Variants in TMPRSS11A observed in about 807,000 individuals in gnomAD.
TMPRSS11A encodes transmembrane protease serine 11A.
TMPRSS11A carries 53 observed loss-of-function variants against 58.9 expected under a neutral mutation model. The ratio of observed to expected loss-of-function variants is 0.90; its 90% CI spans 0.72 to 1.13. The LOEUF is 1.13. TMPRSS11A is among the 50% of genes most tolerant of loss of function. The probability of loss-of-function intolerance (pLI) is 0.00; values close to 1 mark genes in which losing one functional copy is unlikely to be tolerated. For synonymous variants in TMPRSS11A, 167 were observed against 169.8 expected (o/e 0.98, Z 0.13); for missense variants, 493 against 499.3 (o/e 0.99, Z 0.12).
intron 8 of TMPRSS11A, among the ~76,000 whole-genome samples, chr4:67,918,636 C>T (rs1199859266): frequency 6.6e-6 from 1 of 152,100 alleles, no homozygotes; most frequent in Non-Finnish European, 1.5e-5. Context: ...GCTAGCATCC[C>T]TCTGAATGAA....
Position 67,959,865 on chromosome 4 carries a change from C to T in TMPRSS11A, c.11+3518G>A, listed in dbSNP as rs947621290. 3.3e-5 allele frequency among the ~76,000 whole-genome samples: 5 copies of T among 152,284 alleles called. No homozygotes were observed. The South Asian group carries it at 1.0e-3, about 32-fold the overall frequency. On this transcript the variant is annotated intron_variant, in intron 1 of 9. Coordinates refer to ENST00000508048, the MANE Select transcript of TMPRSS11A (RefSeq NM_001114387.2). ...AATCATTATACCAAAAAGATACATGCACTCATGTTTATTGCTGTGCTATTC... is the reference window on the plus strand; with the variant it reads ...AATCATTATACCAAAAAGATACATGTACTCATGTTTATTGCTGTGCTATTC...
chr4:67,959,480 A>G (rs1451675611), intron 1 of TMPRSS11A, among the ~76,000 whole-genome samples: 6 of 152,256 alleles, frequency 3.9e-5, no homozygotes, highest in Non-Finnish European at 1.5e-5. Context: ...CCTAGAATGC[A>G]TGAAAAACTT....
intron 3 of TMPRSS11A, among the ~76,000 whole-genome samples, chr4:67,937,257 A>C (rs1720775908): frequency 6.6e-6 from 1 of 152,158 alleles, no homozygotes; most frequent in Non-Finnish European, 1.5e-5. Context: ...GATTGTTCAC[A>C]CTAGATGTAC....
At chr4:67,924,318 A>T (rs552432223) in intron 5 of TMPRSS11A, 152 bp from the exon 6 acceptor site, 1 of 705,802 alleles carries the variant, frequency 1.4e-6, no homozygotes, top group South Asian at 1.6e-5. Context: ...ATATAACAAC[A>T]TCTGTGTACA....
intron 1 of TMPRSS11A, among the ~76,000 whole-genome samples, chr4:67,955,565 T>C (rs1721267450): frequency 6.6e-6 from 1 of 152,210 alleles, no homozygotes; most frequent in South Asian, 2.1e-4. Context: ...ACTACTTCTA[T>C]GAATTTACCA....
At chr4:67,954,652 G>A (rs1324805379) in intron 1 of TMPRSS11A, among the ~76,000 whole-genome samples, 1 of 152,198 alleles carries the variant, frequency 6.6e-6, no homozygotes, top group African/African-American at 2.4e-5. Context: ...ATTAATGATA[G>A]AGCATAGTCA....
intron 3 of TMPRSS11A, among the ~76,000 whole-genome samples, chr4:67,940,365 C>CTT (rs200509521): frequency 6.7e-6 from 1 of 150,116 alleles, no homozygotes; most frequent in Non-Finnish European, 1.5e-5. Flanking sequence ...TAGTTTGGGC[C>CTT]TTTTTTTTTC....
At chr4:67,922,638 A>G (rs1245892980) in intron 7 of TMPRSS11A, 117 bp downstream of exon 7, 9 of 1,011,946 alleles carry the variant, frequency 8.9e-6, no homozygotes, top group African/African-American at 1.6e-5. Flanking sequence ...AAGAACCTGA[A>G]ATAACTTTTT....
Position 67,963,395 on chromosome 4 carries a change from T to A in TMPRSS11A, c.-2A>T, listed in dbSNP as rs757322768. Reference sequence around the variant, plus strand: ...GAACTGAACTTACCGATACATCATGTACAGGAGGAAGAATATGATCTTGCA... The same window carrying A: ...GAACTGAACTTACCGATACATCATGAACAGGAGGAAGAATATGATCTTGCA... On this transcript the variant is annotated 5_prime_UTR_variant, in exon 1 of 10. Coordinates refer to ENST00000508048, the MANE Select transcript of TMPRSS11A (RefSeq NM_001114387.2). 57 of 1,613,552 alleles carry A rather than the reference T, an allele frequency of 3.5e-5. No homozygotes were observed. The highest frequency in any genetic ancestry group is 4.7e-5 in the Non-Finnish European group (56 of 1,179,838).
At chr4:67,919,913 T>C (rs149456999) in intron 7 of TMPRSS11A, among the ~76,000 whole-genome samples, 14 of 152,256 alleles carry the variant, frequency 9.2e-5, no homozygotes, top group Non-Finnish European at 1.9e-4. Context: ...GTTTTATAGG[T>C]CATGATAAAG....
In TMPRSS11A at chr4:67,924,911, T is replaced by A. The variant is rs185898235; in HGVS notation, c.482-745A>T. Among the ~76,000 whole-genome samples, 28 of 151,318 alleles carry A rather than the reference T, an allele frequency of 1.9e-4. No homozygotes were observed. In the East Asian group the frequency reaches 3.9e-3, roughly 21 times the overall value. On this transcript the variant is annotated intron_variant, in intron 5 of 9. Transcript: ENST00000508048. ...GTAGACTGTCTTACAGGTCTCAAACTCAGCCTCAGCCAGAACAGATCTGCT... is the reference window on the plus strand; with the variant it reads ...GTAGACTGTCTTACAGGTCTCAAACACAGCCTCAGCCAGAACAGATCTGCT...
In TMPRSS11A at chr4:67,930,056, G is replaced by T. The variant is rs1161489574; in HGVS notation, c.321-16C>A. 7 of 1,595,998 alleles carry T rather than the reference G, an allele frequency of 4.4e-6. No homozygotes were observed. In the Admixed American group the frequency reaches 1.0e-4, roughly 23 times the overall value. ...TTCCTCTGGACTGTGACACACAAAA[G>T]AAAGGTACATTTTCAAAGAATACAC... On this transcript the variant is annotated splice_polypyrimidine_tract_variant and intron_variant, in intron 4 of 9. Transcript: ENST00000508048.
Position 67,911,192 on chromosome 4 carries a change from A to G in TMPRSS11A, c.*150T>C. On this transcript the variant is annotated 3_prime_UTR_variant, in exon 10 of 10. Coordinates refer to ENST00000508048, the MANE Select transcript of TMPRSS11A (RefSeq NM_001114387.2). ...ATTGGCTAAGGATTATTGGTTGATT[A>G]AAGTGATTCTAAATAACTTACGTTG... is the stretch of plus-strand genomic sequence containing the variant. 1.5e-6 allele frequency: 1 copy of G among 658,750 alleles called. No homozygotes were observed. The highest frequency in any genetic ancestry group is 2.8e-5 in the East Asian group (1 of 36,358). 40.8% of individuals were successfully genotyped at this position (658,750 alleles called of 1,614,324 possible). A position where few individuals can be genotyped will look rare whatever the true frequency, so the allele number is the denominator to read the frequency against.
rs150836114 is a variant in TMPRSS11A at position 67,939,420 on chromosome 4, C to A, written c.252+5099G>T. Among the ~76,000 whole-genome samples the A allele has an allele frequency of 2.0e-3, 311 of 152,136 alleles. 4 individuals are homozygous for A. The highest frequency in any genetic ancestry group is 7.2e-3 in the African/African-American group (297 of 41,518). ...ATGCATTTTCCTTCTTTCTCCTGCT[C>A]GATTGCTCTTTCTAGAACTTCTAGT... On this transcript the variant is annotated intron_variant, in intron 3 of 9. Coordinates refer to ENST00000508048, the MANE Select transcript of TMPRSS11A (RefSeq NM_001114387.2).
At chr4:67,950,338 A>G (rs1223400173) in intron 1 of TMPRSS11A, among the ~76,000 whole-genome samples, 2 of 152,186 alleles carry the variant, frequency 1.3e-5, no homozygotes, top group African/African-American at 4.8e-5. Flanking sequence ...GATGCCATCC[A>G]TTACTTGCCA....
intron 1 of TMPRSS11A, among the ~76,000 whole-genome samples, chr4:67,961,521 T>TGAGACAGAG (rs1721428222): frequency 6.9e-5 from 5 of 72,726 alleles, no homozygotes; most frequent in Non-Finnish European, 7.2e-5. Flanking sequence ...TTTTTTTTTT[T>TGAGACAGAG]TTTTTTTTGA....
intron 9 of TMPRSS11A, among the ~76,000 whole-genome samples, chr4:67,912,258 C>T (rs1720000358): frequency 6.6e-6 from 1 of 150,916 alleles, no homozygotes; most frequent in South Asian, 2.1e-4. Context: ...CTTTTACTTC[C>T]TCTGAAGCTG....
At chr4:67,915,540 A>G (rs1720122553) in intron 8 of TMPRSS11A, among the ~76,000 whole-genome samples, 1 of 152,192 alleles carries the variant, frequency 6.6e-6, no homozygotes, top group Non-Finnish European at 1.5e-5. Flanking sequence ...AGGGAATTTT[A>G]CAGATGCGAT....
chr4:67,919,092 A>G lies in TMPRSS11A; in HGVS notation c.833T>C (p.Val278Ala). The G allele has an allele frequency of 6.2e-7, 1 of 1,614,202 alleles. No homozygotes were observed. The highest frequency in any genetic ancestry group is 1.1e-5 in the South Asian group (1 of 91,088). ...ATCCGAAAAGGTGACTCTGGAAGAGACCTGCACAACAGCAATGTCGTACTC... is the reference window on the plus strand; with the variant it reads ...ATCCGAAAAGGTGACTCTGGAAGAGGCCTGCACAACAGCAATGTCGTACTC... ...AREYDIAVVQ[V>A]SSRVTFSDDI... The change falls in exon 8 of 10, where the codon GTC becomes GCC. Residue 278 changes from valine to alanine, a missense_variant. Physicochemically the swap from Val to Ala is moderately conservative, Grantham distance 64. Transcript: ENST00000508048.
Sources: gnomAD v4.1 joint callset for allele counts (sites outside exome capture counted in the v4.1 genomes callset) on GRCh38, gnomAD v4.1.1 for gene constraint, MANE v1.5 for transcripts, NCBI Gene and HGNC (gene_info 2026-07-23, HGNC 2026-07-21) for gene names.